Variants in TMCO2 observed in about 807,000 individuals in gnomAD.
TMCO2 encodes transmembrane and coiled-coil domain-containing protein 2.
In TMCO2, 15 loss-of-function variants were observed where a neutral mutation model predicts 18.0. The ratio of observed to expected loss-of-function variants is 0.84; its 90% CI spans 0.56 to 1.29. TMCO2 has a LOEUF of 1.29. Among genes scored for constraint, TMCO2 ranks in the 50% most tolerant of loss-of-function variants. TMCO2 has a pLI of 0.00. For missense variants in TMCO2, 182 were observed against 200.9 expected (o/e 0.91, Z 0.57); for synonymous variants, 79 against 75.9 (o/e 1.04, Z -0.21).
At chr1:40,248,757 T>C (rs1173719189) in intron 1 of TMCO2, among the ~76,000 whole-genome samples, 1 of 152,256 alleles carries the variant, frequency 6.6e-6, no homozygotes, top group East Asian at 1.9e-4. Context: ...TACATACTTC[T>C]GTGTAGTCAC....
intron 1 of TMCO2, among the ~76,000 whole-genome samples, chr1:40,249,270 T>C (rs1643361004): frequency 7.0e-6 from 1 of 142,570 alleles, no homozygotes; most frequent in African/African-American, 3.0e-5. Flanking sequence ...TGTGTGTGTG[T>C]GTGTGTGTGT....
At position 40,251,608 on chromosome 1, in the gene TMCO2, C is replaced by T; in HGVS notation, c.*14C>T. On this transcript the variant is annotated 3_prime_UTR_variant, in exon 2 of 2. Transcript: ENST00000372766. Reference sequence around the variant, plus strand: ...TCCCCCATTTGAAATGTGATGGACTCCAATCTTTTCCAGGAAAGCACTGTT... The same window carrying T: ...TCCCCCATTTGAAATGTGATGGACTTCAATCTTTTCCAGGAAAGCACTGTT... 1 of 1,589,556 alleles carries T rather than the reference C, an allele frequency of 6.3e-7. No homozygotes were observed.
chr1:40,248,751 T>C (rs1643357671), intron 1 of TMCO2, among the ~76,000 whole-genome samples: 1 of 152,236 alleles, frequency 6.6e-6, no homozygotes, highest in South Asian at 2.1e-4. Flanking sequence ...GGATTTTACA[T>C]ACTTCTGTGT....
chr1:40,249,547 C>G (rs1643364656), intron 1 of TMCO2, among the ~76,000 whole-genome samples: 1 of 150,488 alleles, frequency 6.6e-6, no homozygotes, highest in South Asian at 2.1e-4. Context: ...CCACTGCACT[C>G]CAGCCTGGGC....
chr1:40,248,338 G>A (rs12126903), intron 1 of TMCO2, 108 bp downstream of exon 1: 73,991 of 935,766 alleles, frequency 0.079, 3,825 homozygotes, highest in East Asian at 0.19. Context: ...GTGCAAAGGC[G>A]AACCTTTGTC....
intron 1 of TMCO2, among the ~76,000 whole-genome samples, chr1:40,249,321 A>G (rs1055386552): frequency 2.7e-5 from 4 of 149,712 alleles, no homozygotes; most frequent in African/African-American, 5.0e-5. Flanking sequence ...GCGCATATAT[A>G]TGTGTATTGT....
rs1331151702 is a variant in TMCO2, at chr1:40,251,584, C to T, written c.539C>T (p.Ser180Phe). 1.2e-6 allele frequency: 2 copies of T among 1,603,582 alleles called. No homozygotes were observed. The highest frequency in any genetic ancestry group is 1.7e-6 in the Non-Finnish European group (2 of 1,177,536). The stretch of plus-strand genomic sequence containing the variant: ...CCCTTGTCCACATCAGGGTTTACTT[C>T]CCCCATTTGAAATGTGATGGACTCC... ...QSPLSTSGFT[S>F]PI The change falls in exon 2 of 2, where the codon TCC becomes TTC. Residue 180 changes from serine to phenylalanine, a missense_variant. Coordinates refer to ENST00000372766, the MANE Select transcript of TMCO2 (RefSeq NM_001008740.4).
At chr1:40,250,076 A>G (rs1413339249) in intron 1 of TMCO2, among the ~76,000 whole-genome samples, 2 of 150,984 alleles carry the variant, frequency 1.3e-5, no homozygotes, top group Non-Finnish European at 2.9e-5. Flanking sequence ...AGCTCACTGC[A>G]GCCTCAAATT....
chr1:40,249,169 T>C (rs1031963400), intron 1 of TMCO2, among the ~76,000 whole-genome samples: 1 of 152,012 alleles, frequency 6.6e-6, no homozygotes, highest in African/African-American at 2.4e-5. Context: ...AAATTGGAGT[T>C]TGAATCGAAT....
chr1:40,248,153 A>C lies in TMCO2; in HGVS notation c.160A>C (p.Ile54Leu), dbSNP rs773768281. 2 of 1,614,176 alleles carry C rather than the reference A, an allele frequency of 1.2e-6. No individual in the cohort carries two copies. The highest frequency in any genetic ancestry group is 1.1e-5 in the South Asian group (1 of 91,088). ...TAATCTTGCTCCAGCTGTGCAAATC[A>C]TCTTGAGGATTTCTTTCTTGATTTT... ...LDNLAPAVQI[I>L]LRISFLILLG... is the part of the protein sequence containing the mutation. Residue 54 changes from isoleucine (I) to leucine (L), a missense_variant, in exon 1 of 2, where the codon ATC (isoleucine) becomes CTC (leucine). Ile to Leu is a conservative substitution (Grantham distance 5). Transcript: ENST00000372766.
chr1:40,250,526 C>T (rs1387887786), intron 1 of TMCO2, among the ~76,000 whole-genome samples: 1 of 152,000 alleles, frequency 6.6e-6, no homozygotes, highest in African/African-American at 2.4e-5. Context: ...AAACCTTTTC[C>T]ATGACCAAGA....
At chr1:40,248,360 C>T in intron 1 of TMCO2, 130 bp downstream of exon 1, 1 of 732,560 alleles carries the variant, frequency 1.4e-6, no homozygotes, top group Non-Finnish European at 2.2e-6. Context: ...CTTAAGTTGG[C>T]AAAAACTAGG....
chr1:40,250,318 A>AAAAAATATATAT (rs1553178359), intron 1 of TMCO2, among the ~76,000 whole-genome samples: 7 of 145,762 alleles, frequency 4.8e-5, no homozygotes, highest in African/African-American at 1.8e-4. Flanking sequence ...ATATAAATAA[A>AAAAAATATATAT]ATATATATAT....
At chr1:40,249,108 G>T (rs947271386) in intron 1 of TMCO2, among the ~76,000 whole-genome samples, 2 of 152,124 alleles carry the variant, frequency 1.3e-5, no homozygotes, top group African/African-American at 4.8e-5. Context: ...TTGTAGATGA[G>T]AGAACTTGAT....
In TMCO2 at chr1:40,251,648, A is replaced by G; in HGVS notation, c.*54A>G. 1 of 1,544,394 alleles carries G rather than the reference A, an allele frequency of 6.5e-7. No individual in the cohort carries two copies. ...AAAGCACTGTTTCCCTCATGTGTGC[A>G]GTGGTGTATCAATAAAGATAGAGAA... is the stretch of plus-strand genomic sequence containing the variant. On this transcript the variant is annotated 3_prime_UTR_variant, in exon 2 of 2. Transcript: ENST00000372766.
In TMCO2 at chr1:40,248,038, T is replaced by A; in HGVS notation, c.45T>A (p.Ser15=). ...SSSSWDNLLE[S]LSLSTVWNWI... ...CTAGCTGGGACAACCTCTTAGAGTC[T>A]CTCTCTCTCAGCACAGTATGGAATT... Residue 15 remains serine, a synonymous_variant, in exon 1 of 2, where the codon TCT becomes TCA. Transcript: ENST00000372766. The A allele has an allele frequency of 6.2e-7, 1 of 1,614,122 alleles. No homozygotes were observed. Among genetic ancestry groups the A allele is most frequent in the Non-Finnish European group, 8.5e-7 (1 of 1,179,996 alleles).
intron 1 of TMCO2, among the ~76,000 whole-genome samples, chr1:40,249,572 C>T (rs1030406086): frequency 3.4e-5 from 5 of 147,558 alleles, no homozygotes; most frequent in Non-Finnish European, 6.0e-5. Context: ...AAGACTGTGT[C>T]TCAAAAAAAA....
At chr1:40,250,728 A>G (rs968628408) in intron 1 of TMCO2, among the ~76,000 whole-genome samples, 1 of 152,246 alleles carries the variant, frequency 6.6e-6, no homozygotes, top group Non-Finnish European at 1.5e-5. Context: ...ACTTCCAGAC[A>G]TTCAGAAAAT....
intron 1 of TMCO2, 93 bp from the exon 2 acceptor site, chr1:40,251,190 G>A: frequency 8.9e-7 from 1 of 1,121,436 alleles, no homozygotes; most frequent in Non-Finnish European, 1.3e-6. Context: ...TTGGAATGAG[G>A]AATTATTGTT....
Sources: gnomAD v4.1 joint callset for allele counts (sites outside exome capture counted in the v4.1 genomes callset) on GRCh38, gnomAD v4.1.1 for gene constraint, MANE v1.5 for transcripts, NCBI Gene and HGNC (gene_info 2026-07-23, HGNC 2026-07-21) for gene names.